Variants in USP25 observed in about 807,000 individuals in gnomAD.
The protein encoded by USP25 is ubiquitin carboxyl-terminal hydrolase 25.
Under a neutral mutation model 158.5 loss-of-function variants are expected in USP25, and 85 were observed. The observed-to-expected ratio is 0.54, with a 90% CI of 0.45 to 0.64. USP25 has a LOEUF of 0.64. Ranked by LOEUF, USP25 falls within the 30% of genes least tolerant of loss-of-function variation. USP25 has a pLI of 0.00. For missense variants in USP25, 1,242 were observed against 1,327.3 expected (o/e 0.94, Z 1.00); for synonymous variants, 464 against 460.4 (o/e 1.01, Z -0.10).
chr21:15,859,361 T>A (rs1220590831), intron 20 of USP25, among the ~76,000 whole-genome samples: 1 of 151,578 alleles, frequency 6.6e-6, no homozygotes, highest in Non-Finnish European at 1.5e-5. Context: ...CCTGGCTAAG[T>A]TTTTTTTGTA....
At chr21:15,791,867 A>G (rs1043520113) in intron 5 of USP25, among the ~76,000 whole-genome samples, 8 of 151,856 alleles carry the variant, frequency 5.3e-5, no homozygotes, top group African/African-American at 1.7e-4. Context: ...TTTTAACAGT[A>G]GATCACTACT....
intron 1 of USP25, among the ~76,000 whole-genome samples, chr21:15,742,273 T>C (rs1178639436): frequency 6.6e-6 from 1 of 152,128 alleles, no homozygotes; most frequent in Admixed American, 6.5e-5. Flanking sequence ...CAGAATTGTT[T>C]GCAGAGCTGG....
Position 15,824,193 on chromosome 21 carries a change from A to C in USP25, c.1208+27A>C, listed in dbSNP as rs183198743. The C allele has an allele frequency of 6.6e-4, 1,052 of 1,604,490 alleles. 8 individuals carry two copies. The highest frequency in any genetic ancestry group is 4.1e-5 in the Non-Finnish European group (48 of 1,178,394). On this transcript the variant is annotated intron_variant, in intron 11 of 25. Transcript: ENST00000400183. ...TATGGTTTGATATACTGCATGACTT[A>C]GTTTGAAACAGTTTAGTAAGGGAGA...
chr21:15,858,625 A>G (rs1251541245), intron 20 of USP25, among the ~76,000 whole-genome samples: 1 of 151,848 alleles, frequency 6.6e-6, no homozygotes, highest in African/African-American at 2.4e-5. Flanking sequence ...TATTTTCTAT[A>G]TCTTTATTTC....
intron 14 of USP25, among the ~76,000 whole-genome samples, chr21:15,830,214 T>C (rs2037729522): frequency 6.6e-6 from 1 of 152,158 alleles, no homozygotes; most frequent in African/African-American, 2.4e-5. Flanking sequence ...GTTATAGCAA[T>C]ATGTAAGGAA....
chr21:15,861,910 C>T (rs2039445467), intron 20 of USP25, among the ~76,000 whole-genome samples: 1 of 152,100 alleles, frequency 6.6e-6, no homozygotes, highest in Non-Finnish European at 1.5e-5. Context: ...AATACTGTGA[C>T]TTTGGCAATT....
Position 15,870,127 on chromosome 21 carries a change from A to G in USP25, c.2865A>G (p.Leu955=). 1 of 1,609,570 alleles carries G rather than the reference A, an allele frequency of 6.2e-7. No homozygotes were observed. ...CAACTATGTATCTCATAATTGGGCT[A>G]GAAAATTTTCAAAGAGAAAGGTAAG... ...RETTMYLIIG[L]ENFQRESYID... is the part of the protein sequence containing the mutation. Residue 955 remains leucine (L), a synonymous_variant, in exon 23 of 26, where the codon CTA becomes CTG. Transcript: ENST00000400183.
chr21:15,841,265 GCT>G (rs1428205441), intron 17 of USP25, among the ~76,000 whole-genome samples: 2 of 152,002 alleles, frequency 1.3e-5, no homozygotes, highest in Non-Finnish European at 2.9e-5. Context: ...TCCCCCTGTT[GCT>G]CTCTCTCTTA....
chr21:15,761,610 A>G (rs1348365841), intron 1 of USP25, among the ~76,000 whole-genome samples: 1 of 152,202 alleles, frequency 6.6e-6, no homozygotes, highest in East Asian at 1.9e-4. Flanking sequence ...CACATGCACA[A>G]TTTCAGTAAA....
chr21:15,839,857 T>C (rs1331020491), intron 17 of USP25, among the ~76,000 whole-genome samples: 1 of 152,148 alleles, frequency 6.6e-6, no homozygotes, highest in East Asian at 1.9e-4. Context: ...GTTCATGAAG[T>C]ATCCTTCATC....
chr21:15,845,504 CAGCTTTTA>C (rs2038540762), intron 18 of USP25, among the ~76,000 whole-genome samples: 1 of 152,078 alleles, frequency 6.6e-6, no homozygotes, highest in Non-Finnish European at 1.5e-5. Flanking sequence ...TTCCCCCTTT[CAGCTTTTA>C]CCCATGTATT....
chr21:15,823,512 A>G (rs2037339854), intron 10 of USP25, among the ~76,000 whole-genome samples: 3 of 152,128 alleles, frequency 2.0e-5, no homozygotes. Context: ...TGTCTTTTTC[A>G]TAAATTAGTA....
chr21:15,735,964 C>CTGTGTGTGTGTGTGTG (rs530159084), intron 1 of USP25, among the ~76,000 whole-genome samples: 64 of 145,134 alleles, frequency 4.4e-4, no homozygotes, highest in Admixed American at 8.2e-4. Flanking sequence ...TGTCCTAAAT[C>CTGTGTGTGTGTGTGTG]TGTGTGTGTG....
intron 6 of USP25, among the ~76,000 whole-genome samples, chr21:15,804,431 C>G (rs927564473): frequency 6.7e-6 from 1 of 149,704 alleles, no homozygotes; most frequent in African/African-American, 2.4e-5. Context: ...ATATAATGTT[C>G]GATAACTTTA....
intron 1 of USP25, among the ~76,000 whole-genome samples, chr21:15,735,492 T>C (rs547214183): frequency 6.6e-6 from 1 of 152,342 alleles, no homozygotes; most frequent in East Asian, 1.9e-4. Context: ...CCATTTTATA[T>C]AAGGGACTTT....
intron 1 of USP25, among the ~76,000 whole-genome samples, chr21:15,747,270 G>T (rs1465422398): frequency 6.6e-6 from 1 of 151,940 alleles, no homozygotes; most frequent in African/African-American, 2.4e-5. Context: ...CTGAAACTGT[G>T]GCTAGTATTG....
At chr21:15,849,580 C>T (rs1306361228) in intron 19 of USP25, among the ~76,000 whole-genome samples, 197 bp from the exon 20 acceptor site, 1 of 152,118 alleles carries the variant, frequency 6.6e-6, no homozygotes, top group Non-Finnish European at 1.5e-5. Context: ...GCAGTTTGCA[C>T]AAAGGCTCCG....
intron 12 of USP25, among the ~76,000 whole-genome samples, chr21:15,825,792 T>C (rs1400367686): frequency 7.9e-5 from 12 of 152,228 alleles, no homozygotes; most frequent in Non-Finnish European, 2.9e-5. Context: ...ATGATTTTTA[T>C]TCTTAAAAAG....
chr21:15,864,892 C>T (rs2039589964), intron 21 of USP25, among the ~76,000 whole-genome samples: 1 of 152,014 alleles, frequency 6.6e-6, no homozygotes, highest in African/African-American at 2.4e-5. Context: ...CCAAATAACT[C>T]CTAGGGGAGC....
Sources: allele counts gnomAD v4.1 joint callset (sites outside exome capture counted in the v4.1 genomes callset), GRCh38; gene constraint gnomAD v4.1.1; transcripts MANE v1.5; gene names NCBI Gene and HGNC (gene_info 2026-07-23, HGNC 2026-07-21).